The following SEC16B variants were observed in gnomAD, a reference collection of about 807,000 sequenced individuals.
The protein encoded by SEC16B is SEC16 homolog B, endoplasmic reticulum export factor, also known as protein transport protein Sec16B.
In SEC16B, 115 loss-of-function variants were observed where a neutral mutation model predicts 141.8. The ratio of observed to expected loss-of-function variants is 0.81; its 90% CI spans 0.70 to 0.95. The LOEUF is 0.95. Ranked by LOEUF, SEC16B falls within the 40% of genes least tolerant of loss-of-function variation. The probability of loss-of-function intolerance (pLI) is 0.00; values close to 1 mark genes in which losing one functional copy is unlikely to be tolerated. For missense variants in SEC16B, 1,291 were observed against 1,312.3 expected (o/e 0.98, Z 0.25); for synonymous variants, 493 against 492.5 (o/e 1.00, Z -0.01).
chr1:177,962,349 C>T (rs1261960018), intron 5 of SEC16B, among the ~76,000 whole-genome samples: 2 of 151,814 alleles, frequency 1.3e-5, no homozygotes, highest in Non-Finnish European at 2.9e-5. Context: ...GGATTACAGG[C>T]GTGAGCCACC....
chr1:177,941,101 G>A (rs11805026), intron 16 of SEC16B, among the ~76,000 whole-genome samples: 7,962 of 152,238 alleles, frequency 0.052, 343 homozygotes, highest in East Asian at 0.18. Context: ...ATACGTCTGG[G>A]CAGGGCCTAA....
intron 1 of SEC16B, among the ~76,000 whole-genome samples, chr1:177,977,461 G>A (rs1557998333): frequency 6.6e-6 from 1 of 152,148 alleles, no homozygotes; most frequent in Non-Finnish European, 1.5e-5. Flanking sequence ...ATACTAGAAG[G>A]TACCTAGGGG....
At chr1:177,930,015 C>A (rs1329748610) in intron 25 of SEC16B, 86 bp from the exon 26 acceptor site, 1 of 1,308,054 alleles carries the variant, frequency 7.6e-7, no homozygotes, top group Non-Finnish European at 1.1e-6. Context: ...AGCTAGGGCA[C>A]CCTGAGCCTC....
At chr1:177,941,282 C>T (rs1163150756) in intron 16 of SEC16B, among the ~76,000 whole-genome samples, 1 of 152,182 alleles carries the variant, frequency 6.6e-6, no homozygotes, top group East Asian at 1.9e-4. Context: ...TATGGGGAGG[C>T]TCACCACCAC....
chr1:177,970,865 G>A (rs1027778128), upstream of SEC16B, among the ~76,000 whole-genome samples: 2 of 152,124 alleles, frequency 1.3e-5, no homozygotes, highest in Admixed American at 1.3e-4. Context: ...AATGCTTACT[G>A]TGTTCCTATT....
chr1:177,965,308 G>T (rs894174925), intron 3 of SEC16B, 141 bp from the exon 4 acceptor site: 22 of 1,021,424 alleles, frequency 2.2e-5, no homozygotes, highest in Non-Finnish European at 2.9e-5. Flanking sequence ...AAATAGATAG[G>T]TGAGAGCTAA....
intron 19 of SEC16B, among the ~76,000 whole-genome samples, chr1:177,936,885 G>A (rs1650883363): frequency 6.6e-6 from 1 of 152,182 alleles, no homozygotes; most frequent in Non-Finnish European, 1.5e-5. Context: ...ATTGGAGAAA[G>A]AGAACTTGGC....
At chr1:177,931,482 G>A (rs1012805528) in intron 24 of SEC16B, among the ~76,000 whole-genome samples, 1 of 152,156 alleles carries the variant, frequency 6.6e-6, no homozygotes, top group African/African-American at 2.4e-5. Flanking sequence ...CCACATCCAC[G>A]CCAACACTAC....
At chr1:177,936,085 T>TG (rs1650816616) in intron 20 of SEC16B, among the ~76,000 whole-genome samples, 3 of 152,162 alleles carry the variant, frequency 2.0e-5, no homozygotes, top group Admixed American at 2.0e-4. Flanking sequence ...TCTCTCCCCA[T>TG]GGACACAGGT....
rs775271243 is a variant in SEC16B at position 177,951,939 on chromosome 1, G to A, written c.1520C>T (p.Ser507Leu). 1.8e-5 allele frequency: 29 copies of A among 1,606,430 alleles called. No individual in the cohort carries two copies. The highest frequency in any genetic ancestry group is 1.7e-4 in the Middle Eastern group (1 of 6,052). The part of the protein sequence containing the change: ...DPLQTLFQLM[S>L]GRIPQAATCC... ...CGTGGCTGCCTGTGGAATCCTCCCCGACATGAGCTGGAAGAGGGTCTGCAG... is the reference window on the plus strand; with the variant it reads ...CGTGGCTGCCTGTGGAATCCTCCCCAACATGAGCTGGAAGAGGGTCTGCAG... Residue 507 changes from serine to leucine, a missense_variant, in exon 12 of 26, where the codon TCG becomes TTG. Physicochemically the swap from Ser to Leu is moderately radical, Grantham distance 145. Around this residue, in one of 3 missense-constraint regions of SEC16B, gnomAD observed 681 missense variants for 675.5 expected, o/e 1.01. Coordinates refer to ENST00000308284, the MANE Select transcript of SEC16B (RefSeq NM_033127.4).
chr1:177,952,583 A>T (rs753027602), intron 11 of SEC16B, among the ~76,000 whole-genome samples: 2 of 152,222 alleles, frequency 1.3e-5, no homozygotes, highest in African/African-American at 4.8e-5. Flanking sequence ...TAACAAGGAT[A>T]TAATAAGCTC....
chr1:177,956,705 A>G (rs942256815), intron 10 of SEC16B, among the ~76,000 whole-genome samples: 9 of 152,192 alleles, frequency 5.9e-5, no homozygotes, highest in Admixed American at 5.2e-4. Flanking sequence ...TCCCTGCTTT[A>G]TGAGTTTTTG....
intron 14 of SEC16B, 140 bp from the exon 15 acceptor site, chr1:177,944,806 G>C: frequency 1.6e-6 from 1 of 613,450 alleles, no homozygotes; most frequent in Non-Finnish European, 2.8e-6. Flanking sequence ...GGCTTCAAGA[G>C]AAGAAGGAGA....
At chr1:177,982,211 G>A (rs1035522735) in intron 1 of SEC16B, among the ~76,000 whole-genome samples, 1 of 152,152 alleles carries the variant, frequency 6.6e-6, no homozygotes, top group African/African-American at 2.4e-5. Flanking sequence ...ACAGTAAGGA[G>A]GGATTGTGTT....
At chr1:177,934,419 T>A (rs1014807421) in intron 20 of SEC16B, among the ~76,000 whole-genome samples, 1 of 152,214 alleles carries the variant, frequency 6.6e-6, no homozygotes, top group Admixed American at 6.5e-5. Context: ...TATATTTACA[T>A]TTTTTACTCT....
Position 177,981,312 on chromosome 1 carries a change from T to A in SEC16B, c.-59+2894A>T, listed in dbSNP as rs191862198. Among the ~76,000 whole-genome samples, 18 of 152,182 alleles carry A rather than the reference T, an allele frequency of 1.2e-4. No individual in the cohort carries two copies. The East Asian group carries it at 3.3e-3, about 28-fold the overall frequency. ...TATGAATGAGCACAAAATTTAGACC[T>A]GGACAGTAAGAGTCTTGCATCTCCC... On this transcript the variant is annotated intron_variant and NMD_transcript_variant, in intron 1 of 24. Coordinates refer to the SEC16B transcript ENST00000528461.
intron 13 of SEC16B, among the ~76,000 whole-genome samples, chr1:177,946,953 A>G (rs557295832): frequency 6.6e-6 from 1 of 152,296 alleles, no homozygotes; most frequent in South Asian, 2.1e-4. Flanking sequence ...AAACATAAAA[A>G]TCATATTAAT....
At chr1:177,961,167 T>G in intron 6 of SEC16B, 1 of 533,962 alleles carries the variant, frequency 1.9e-6, no homozygotes, top group South Asian at 2.3e-5. Context: ...TCAGTCCAAA[T>G]GATAATGCTC....
At chr1:177,978,446 C>T (rs1654265135) in intron 1 of SEC16B, among the ~76,000 whole-genome samples, 1 of 152,100 alleles carries the variant, frequency 6.6e-6, no homozygotes, top group Admixed American at 6.6e-5. Flanking sequence ...ATGGCTCATG[C>T]CTGTAATCCC....
Sources: gnomAD v4.1 joint callset for allele counts (sites outside exome capture counted in the v4.1 genomes callset) on GRCh38, gnomAD v4.1.1 for gene constraint, gnomAD v4.1.1 regional missense constraint, MANE v1.5 for transcripts, NCBI Gene and HGNC (gene_info 2026-07-23, HGNC 2026-07-21) for gene names.